Variants in PCDHA6 observed in about 807,000 individuals in gnomAD.
PCDHA6 encodes the protein protocadherin alpha-6.
Under a neutral mutation model 60.3 loss-of-function variants are expected in PCDHA6, and 55 were observed. That is an observed-to-expected ratio of 0.91 (90% CI 0.73 to 1.14). PCDHA6 has a LOEUF of 1.14. Among genes scored for constraint, PCDHA6 ranks in the 50% most tolerant of loss-of-function variants. The pLI is 0.00. For synonymous variants in PCDHA6, 652 were observed against 557.9 expected, an observed-to-expected ratio of 1.17 and a Z score of -2.38; for missense variants, 1,327 against 1,256.5, an observed-to-expected ratio of 1.06 and a Z score of -0.85.
At chr5:140,993,667 C>T (rs2097576739) in intron 3 of PCDHA6, among the ~76,000 whole-genome samples, 1 of 152,052 alleles carries the variant, frequency 6.6e-6, no homozygotes, top group African/African-American at 2.4e-5. Context: ...AACAATGGAC[C>T]ACATATGTGA....
At chr5:140,979,243 C>T (rs1554240401) in intron 2 of PCDHA6, among the ~76,000 whole-genome samples, 1 of 152,178 alleles carries the variant, frequency 6.6e-6, no homozygotes, top group Non-Finnish European at 1.5e-5. Context: ...CAGAAACAGG[C>T]TGCTATGTAT....
intron 1 of PCDHA6, chr5:140,841,810 A>C (rs2150323152): frequency 5.6e-6 from 9 of 1,613,740 alleles, no homozygotes; most frequent in East Asian, 2.2e-5. Flanking sequence ...CAGATGTTGG[A>C]GCTAACTCCG....
At chr5:140,932,549 C>T (rs1222820851) in intron 1 of PCDHA6, among the ~76,000 whole-genome samples, 1 of 151,864 alleles carries the variant, frequency 6.6e-6, no homozygotes, top group African/African-American at 2.4e-5. Context: ...ATTTAACATA[C>T]ATTCCACAAG....
chr5:140,839,045 G>A (rs914747083), intron 1 of PCDHA6, among the ~76,000 whole-genome samples: 2 of 151,914 alleles, frequency 1.3e-5, no homozygotes, highest in South Asian at 2.1e-4. Context: ...TCTTTTCAAC[G>A]TGAATAAGGA....
At chr5:140,887,906 T>C (rs2061622663) in intron 1 of PCDHA6, among the ~76,000 whole-genome samples, 1 of 152,198 alleles carries the variant, frequency 6.6e-6, no homozygotes, top group Admixed American at 6.5e-5. Context: ...TCCTAAACAG[T>C]GTATTCTTCA....
chr5:140,929,580 T>A (rs1035039235), intron 1 of PCDHA6: 13 of 442,122 alleles, frequency 2.9e-5, no homozygotes, highest in African/African-American at 1.0e-4. Context: ...AAAAGTAATA[T>A]GACATAAAGG....
chr5:140,949,529 T>C (rs2094389085), intron 1 of PCDHA6, among the ~76,000 whole-genome samples: 1 of 151,910 alleles, frequency 6.6e-6, no homozygotes, highest in South Asian at 2.1e-4. Flanking sequence ...TTTATCTTCA[T>C]AAAATATCGA....
chr5:140,984,644 C>T (rs969349039), intron 3 of PCDHA6, among the ~76,000 whole-genome samples: 20 of 152,136 alleles, frequency 1.3e-4, no homozygotes, highest in African/African-American at 4.3e-4. Context: ...CTGCCTTCTC[C>T]CTGTCCTTCT....
At chr5:140,947,454 C>T (rs138457341) in intron 1 of PCDHA6, among the ~76,000 whole-genome samples, 1 of 151,582 alleles carries the variant, frequency 6.6e-6, no homozygotes, top group Non-Finnish European at 1.5e-5. Flanking sequence ...ATCCTCCAAC[C>T]TTGTTCTACT....
intron 1 of PCDHA6, among the ~76,000 whole-genome samples, chr5:140,972,991 T>C (rs142551667): frequency 6.6e-6 from 1 of 152,222 alleles, no homozygotes; most frequent in Non-Finnish European, 1.5e-5. Context: ...GTAGATTCTG[T>C]GCATTTGTGG....
intron 1 of PCDHA6, among the ~76,000 whole-genome samples, chr5:140,936,745 T>C (rs2091123001): frequency 6.6e-6 from 1 of 152,234 alleles, no homozygotes; most frequent in Non-Finnish European, 1.5e-5. Context: ...ACTTTTCATT[T>C]GTATTGATAT....
rs2150162751 is a variant in PCDHA6, at chr5:140,829,130, G to A, written c.1039G>A (p.Val347Ile). The change falls in exon 1 of 4, where the codon GTC becomes ATC. Residue 347 changes from valine (V) to isoleucine (I), a missense_variant. Coordinates refer to ENST00000529310, the MANE Select transcript of PCDHA6 (RefSeq NM_018909.4). The stretch of plus-strand genomic sequence containing the variant: ...GAGAATTTTGGATAAAAATGATAAC[G>A]TCCCTGAGATAGCACTGACTTCCTT... Reference protein sequence around the residue: ...LVRILDKNDNVPEIALTSLSL... With the variant: ...LVRILDKNDNIPEIALTSLSL... 4 of 1,612,556 alleles carry A rather than the reference G, an allele frequency of 2.5e-6. No homozygotes were observed. Among genetic ancestry groups the A allele is most frequent in the Non-Finnish European group, 3.4e-6 (4 of 1,178,574 alleles).
In PCDHA6 at chr5:140,951,110, T is replaced by A. The variant is rs1230697929; in HGVS notation, c.2395-27839T>A. Reference sequence around the variant, plus strand: ...TTTTTCTGATAAGATTTCCTTTATTTTCATTCCTTACCAATAAGTTTTCCT... The same window carrying A: ...TTTTTCTGATAAGATTTCCTTTATTATCATTCCTTACCAATAAGTTTTCCT... On this transcript the variant is annotated intron_variant, in intron 1 of 3. Transcript: ENST00000529310. Among the ~76,000 whole-genome samples, 5 of 150,004 alleles carry A rather than the reference T, an allele frequency of 3.3e-5. No homozygotes were observed. The East Asian group carries it at 9.8e-4, about 29-fold the overall frequency.
Position 141,009,803 on chromosome 5 carries a change from C to G in PCDHA6, c.2719C>G (p.Gln907Glu). 6.2e-7 allele frequency: 1 copy of G among 1,613,968 alleles called. No individual in the cohort carries two copies. The highest frequency in any genetic ancestry group is 8.5e-7 in the Non-Finnish European group (1 of 1,179,994). ...CATCCGGCAGGAGCCTACTAACAGC[C>G]AAATTGACAAAAGTGACTTCATAAC... ...ISIRQEPTNS[Q>E]IDKSDFITFG... Residue 907 changes from glutamine to glutamate, a missense_variant, in exon 4 of 4, where the codon CAA (glutamine) becomes GAA (glutamate). Physicochemically the swap from Gln to Glu is conservative, Grantham distance 29 (BLOSUM62 2). Coordinates refer to ENST00000529310, the MANE Select transcript of PCDHA6 (RefSeq NM_018909.4).
At chr5:140,967,010 C>A (rs781936791) in intron 1 of PCDHA6, 2 of 1,606,340 alleles carry the variant, frequency 1.2e-6, no homozygotes, top group Admixed American at 3.3e-5. Context: ...CATCAACCAT[C>A]TGGGTGCGCC....
rs542615615 is a variant in PCDHA6, at chr5:140,855,959, A to G, written c.2394+25474A>G. 8 of 1,399,890 alleles carry G rather than the reference A, an allele frequency of 5.7e-6. No homozygotes were observed. In the East Asian group the frequency reaches 1.1e-4, roughly 20 times the overall value. The allele number at this position is 1,399,890 out of a possible 1,614,324, so 86.7% of individuals were successfully genotyped here. On this transcript the variant is annotated intron_variant, in intron 1 of 3. Transcript: ENST00000529310. Reference sequence around the variant, plus strand: ...GAGATCTCAGCCATTTCGATAAAAAATAGATATAAGAAATAGGACAGAAAA... The same window carrying G: ...GAGATCTCAGCCATTTCGATAAAAAGTAGATATAAGAAATAGGACAGAAAA...
intron 1 of PCDHA6, chr5:140,843,188 C>T (rs2150354903): frequency 6.3e-7 from 1 of 1,596,014 alleles, no homozygotes; most frequent in Non-Finnish European, 8.6e-7. Flanking sequence ...CATCCCGTTC[C>T]GCGTGGGGCT....
chr5:140,871,447 G>A, intron 1 of PCDHA6: 1 of 1,609,656 alleles, frequency 6.2e-7, no homozygotes, highest in Non-Finnish European at 8.5e-7. Context: ...TCTGAATAAA[G>A]AGGAGGAAGG....
rs137875021 is a variant in PCDHA6, at chr5:140,942,837, A to C, written c.2395-36112A>C. Among the ~76,000 whole-genome samples, 666 of 152,296 alleles carry C rather than the reference A, an allele frequency of 4.4e-3. 3 individuals are homozygous for C. Among genetic ancestry groups the C allele is most frequent in the African/African-American group, 0.016 (646 of 41,564 alleles). On this transcript the variant is annotated intron_variant, in intron 1 of 3. Transcript: ENST00000529310. ...TTGGATTTGGCCCTGTGTCAATAAA[A>C]ATTCCAGTAAGATGATTATTTTGCT...
Sources: allele counts gnomAD v4.1 joint callset (sites outside exome capture counted in the v4.1 genomes callset), GRCh38; gene constraint gnomAD v4.1.1; transcripts MANE v1.5; gene names NCBI Gene and HGNC (gene_info 2026-07-23, HGNC 2026-07-21).